Variants in ZZEF1 observed in about 807,000 individuals in gnomAD.
ZZEF1 encodes zinc finger ZZ-type and EF-hand domain containing 1, also known as zinc finger ZZ-type and EF-hand domain-containing protein 1.
ZZEF1 carries 157 observed loss-of-function variants against 342.8 expected under a neutral mutation model. The ratio of observed to expected loss-of-function variants is 0.46; its 90% CI spans 0.40 to 0.52. The LOEUF (loss-of-function observed/expected upper bound fraction) is 0.52, where lower values mean the gene tolerates loss of function less well. Among genes scored for constraint, ZZEF1 ranks in the 20% least tolerant of loss-of-function variants. The probability of loss-of-function intolerance (pLI) is 0.00; values close to 1 mark genes in which losing one functional copy is unlikely to be tolerated. For missense variants in ZZEF1, 3,480 were observed against 3,725.6 expected, an observed-to-expected ratio of 0.93 and a Z score of 1.72; for synonymous variants, 1,505 against 1,429.1, an observed-to-expected ratio of 1.05 and a Z score of -1.20.
intron 1 of ZZEF1, among the ~76,000 whole-genome samples, chr17:4,134,505 G>GT (rs1424342950): frequency 1.3e-5 from 2 of 151,810 alleles, no homozygotes; most frequent in African/African-American, 2.4e-5. Context: ...CAGCAGCAAT[G>GT]TAATAGGTGT....
intron 13 of ZZEF1, 71 bp from the exon 14 acceptor site, chr17:4,087,605 T>C: frequency 1.5e-6 from 2 of 1,308,620 alleles, no homozygotes; most frequent in Non-Finnish European, 2.1e-6. Context: ...AATGCCTCAT[T>C]TACTTCTAAT....
In ZZEF1 at chr17:4,058,131, A is replaced by G. The variant is rs2057206450; in HGVS notation, c.5028T>C (p.Cys1676=). ...NDRSLLPALS[C]VQTALLHLLD... is the part of the protein sequence containing the mutation. ...AAAGATGAAGCAGGGCTGTCTGAAC[A>G]CAGGATAAGGCAGGGAGCAAGGACC... Residue 1676 remains cysteine, a synonymous_variant, in exon 32 of 55, where the codon TGT becomes TGC. Coordinates refer to ENST00000381638, the MANE Select transcript of ZZEF1 (RefSeq NM_015113.4). 2 of 1,613,864 alleles carry G rather than the reference A, an allele frequency of 1.2e-6. No homozygotes were observed. Among genetic ancestry groups the G allele is most frequent in the Non-Finnish European group, 1.7e-6 (2 of 1,179,828 alleles).
At chr17:4,095,748 A>C in intron 11 of ZZEF1, 83 bp downstream of exon 11, 2 of 1,437,188 alleles carry the variant, frequency 1.4e-6, no homozygotes, top group South Asian at 2.9e-5. Flanking sequence ...ACAGTTCACC[A>C]ATGAGCATGA....
chr17:4,136,088 T>A (rs1327364392), intron 1 of ZZEF1, among the ~76,000 whole-genome samples: 1 of 148,714 alleles, frequency 6.7e-6, no homozygotes, highest in African/African-American at 2.5e-5. Context: ...TCGCCCAGGT[T>A]CAAGCGATTC....
chr17:4,119,996 T>A (rs2058457674), intron 2 of ZZEF1, among the ~76,000 whole-genome samples: 1 of 152,108 alleles, frequency 6.6e-6, no homozygotes, highest in South Asian at 2.1e-4. Flanking sequence ...CATTTTTGGG[T>A]CTAATCAAAT....
Position 4,014,572 on chromosome 17 carries a change from C to T in ZZEF1, c.8146-57G>A, listed in dbSNP as rs2056051629. On this transcript the variant is annotated intron_variant, in intron 49 of 54. Transcript: ENST00000381638. This position sits in a 1 kb window ranked among gnomAD's most constrained non-coding sequence, Gnocchi z 4.4. The stretch of plus-strand genomic sequence containing the variant: ...GATGCTGCTCACTAGACACTGACTG[C>T]AGCTGTCCCATGCCGAGTCCTGTGG... 4.4e-6 allele frequency: 7 copies of T among 1,579,642 alleles called. No individual in the cohort carries two copies. In the East Asian group the frequency reaches 1.3e-4, roughly 30 times the overall value.
At chr17:4,105,853 C>T (rs566901509) in intron 6 of ZZEF1, 44 bp from the exon 7 acceptor site, 27 of 1,477,402 alleles carry the variant, frequency 1.8e-5, no homozygotes, top group Admixed American at 6.4e-5. Context: ...AAAACCAGAC[C>T]GAATTTAGAC....
intron 33 of ZZEF1, among the ~76,000 whole-genome samples, 158 bp downstream of exon 33, chr17:4,056,058 C>T (rs961633664): frequency 6.6e-6 from 1 of 152,234 alleles, no homozygotes; most frequent in African/African-American, 2.4e-5. Context: ...TCACAGCCTG[C>T]ATTCGGTCGC....
chr17:4,104,779 A>G lies in ZZEF1; in HGVS notation c.1427T>C (p.Leu476Pro). The stretch of plus-strand genomic sequence containing the variant: ...TCCTCTTGCGAGAGCAAAAGCCAGA[A>G]GAGTCAGTTCTACCTCTGGGGTAGA... ...CCSTPEVELT[L>P]LAFALARGSV... Residue 476 changes from leucine (L) to proline (P), a missense_variant, in exon 8 of 55, where the codon CTT (leucine) becomes CCT (proline). Coordinates refer to ENST00000381638, the MANE Select transcript of ZZEF1 (RefSeq NM_015113.4). 6.2e-7 allele frequency: 1 copy of G among 1,614,148 alleles called. No individual in the cohort carries two copies. The highest frequency in any genetic ancestry group is 2.2e-5 in the East Asian group (1 of 44,876).
rs2057495702 is a variant in ZZEF1 at position 4,070,899 on chromosome 17, C to T, written c.3860G>A (p.Cys1287Tyr). ...GGCAAAATCAAGAAGAAAATGGCGG[C>T]AGGGGTCGTCAGGAATGTTCTTAAC... Reference protein sequence around the residue: ...KEVKNIPDDPCRHFLLDFAQS... With the variant: ...KEVKNIPDDPYRHFLLDFAQS... The change falls in exon 26 of 55, where the codon TGC becomes TAC. Residue 1287 changes from cysteine (C) to tyrosine (Y), a missense_variant. Around this residue, in one of 5 missense-constraint regions of ZZEF1, gnomAD observed 1,528 missense variants for 1,624.1 expected, o/e 0.94. Transcript: ENST00000381638. The T allele has an allele frequency of 6.2e-7, 1 of 1,613,774 alleles. No homozygotes were observed. The highest frequency in any genetic ancestry group is 1.7e-5 in the Admixed American group (1 of 59,964).
intron 30 of ZZEF1, among the ~76,000 whole-genome samples, chr17:4,062,211 T>C (rs2057300420): frequency 6.6e-6 from 1 of 152,084 alleles, no homozygotes; most frequent in Non-Finnish European, 1.5e-5. Flanking sequence ...TCAGCCTGCC[T>C]TCCCTGACCA....
chr17:4,022,809 A>T lies in ZZEF1; in HGVS notation c.7112T>A (p.Ile2371Asn). The T allele has an allele frequency of 6.2e-7, 1 of 1,613,862 alleles. No homozygotes were observed. Among genetic ancestry groups the T allele is most frequent in the Non-Finnish European group, 8.5e-7 (1 of 1,179,992 alleles). ...KTLKAHGFEE[I>N]RATFLQTDLL... ...ATCGGTCTGAAGGAAAGTAGCACGGATCTCCTCAAAACCGTGAGCCTGCCA... is the reference window on the plus strand; with the variant it reads ...ATCGGTCTGAAGGAAAGTAGCACGGTTCTCCTCAAAACCGTGAGCCTGCCA... The change falls in exon 44 of 55, where the codon ATC (isoleucine) becomes AAC (asparagine). Residue 2371 changes from isoleucine (I) to asparagine (N), a missense_variant. This residue lies in a region of ZZEF1 where 1,269 missense variants were observed against 1,342.4 expected (regional missense o/e 0.95). Coordinates refer to ENST00000381638, the MANE Select transcript of ZZEF1 (RefSeq NM_015113.4).
chr17:4,081,828 CAT>C (rs35979196), intron 17 of ZZEF1, among the ~76,000 whole-genome samples: 25,391 of 152,196 alleles, frequency 0.17, 2,163 homozygotes, highest in East Asian at 0.18. Context: ...TGTGTCTTCA[CAT>C]GTCTTCACAG....
chr17:4,032,241 G>C lies in ZZEF1; in HGVS notation c.6777C>G (p.Thr2259=). ...VGFPQVLCVG[T]RCVYMDNANE... ...TGGCATTATCCATATAAACGCAGCG[G>C]GTTCCCACACAGAGGACCTAGAACG... Residue 2259 remains threonine (T), a synonymous_variant, in exon 42 of 55, where the codon ACC becomes ACG. Coordinates refer to ENST00000381638, the MANE Select transcript of ZZEF1 (RefSeq NM_015113.4). 13 of 1,613,018 alleles carry C rather than the reference G, an allele frequency of 8.1e-6. No homozygotes were observed. Among genetic ancestry groups the C allele is most frequent in the African/African-American group, 1.3e-5 (1 of 74,954 alleles).
intron 1 of ZZEF1, among the ~76,000 whole-genome samples, chr17:4,126,042 T>G (rs1225950766): frequency 1.3e-5 from 2 of 151,732 alleles, no homozygotes; most frequent in East Asian, 3.9e-4. Context: ...CTGGCAAAGA[T>G]GGTGAAACCC....
In ZZEF1 at chr17:4,054,160, T is replaced by G. The variant is rs2057107895; in HGVS notation, c.5331A>C (p.Leu1777Phe). 6.2e-7 allele frequency: 1 copy of G among 1,614,004 alleles called. No individual in the cohort carries two copies. The highest frequency in any genetic ancestry group is 8.5e-7 in the Non-Finnish European group (1 of 1,179,944). Residue 1777 changes from leucine (L) to phenylalanine (F), a missense_variant, in exon 34 of 55, where the codon TTA becomes TTC. Coordinates refer to ENST00000381638, the MANE Select transcript of ZZEF1 (RefSeq NM_015113.4). Reference protein sequence around the residue: ...HMFIARYCDLLNVDISCDGCD... With the variant: ...HMFIARYCDLFNVDISCDGCD... Reference sequence around the variant, plus strand: ...ACCCATCACAAGAGATGTCCACATTTAACAGGTCACAGTAGCGAGCAATGA... The same window carrying G: ...ACCCATCACAAGAGATGTCCACATTGAACAGGTCACAGTAGCGAGCAATGA...
Position 4,092,103 on chromosome 17 carries a change from TATAA to T in ZZEF1, c.1914-1277_1914-1274del, listed in dbSNP as rs200190834. ...AAAAAAAAAAAAATAATAAAAATAA[TATAA>T]ATAAATAAGAAGGAGAAAAAGAGCA... is the stretch of plus-strand genomic sequence containing the variant. On this transcript the variant is annotated intron_variant, in intron 11 of 54. Coordinates refer to ENST00000381638, the MANE Select transcript of ZZEF1 (RefSeq NM_015113.4). Among the ~76,000 whole-genome samples the T allele has an allele frequency of 5.1e-3, 725 of 143,388 alleles. 5 individuals carry two copies. The highest frequency in any genetic ancestry group is 0.018 in the African/African-American group (704 of 40,020). 94.1% of individuals were successfully genotyped at this position (143,388 alleles called of 152,430 possible). A position where few individuals can be genotyped will look rare whatever the true frequency, so the allele number is the denominator to read the frequency against.
intron 1 of ZZEF1, among the ~76,000 whole-genome samples, chr17:4,126,225 C>CAAAA (rs34213678): frequency 2.1e-5 from 2 of 94,146 alleles, no homozygotes; most frequent in African/African-American, 8.3e-5. Context: ...GACTCCGTCT[C>CAAAA]AAAAAAAAAA....
chr17:4,104,467 T>A (rs62071005), intron 8 of ZZEF1, among the ~76,000 whole-genome samples, 166 bp downstream of exon 8: 22,593 of 152,102 alleles, frequency 0.15, 1,807 homozygotes, highest in African/African-American at 0.2. Flanking sequence ...TCCCTGCCAA[T>A]CCTAGTAAGG....
Sources: allele counts gnomAD v4.1 joint callset (sites outside exome capture counted in the v4.1 genomes callset), GRCh38; gene constraint gnomAD v4.1.1; regional missense constraint gnomAD v4.1.1; non-coding constraint Gnocchi (gnomAD v3.1); transcripts MANE v1.5; gene names NCBI Gene and HGNC (gene_info 2026-07-23, HGNC 2026-07-21).